Variants in DPP10 observed in about 807,000 individuals in gnomAD.
DPP10 encodes the protein dipeptidyl peptidase like 10.
DPP10 carries 33 observed loss-of-function variants against 120.9 expected under a neutral mutation model. The observed-to-expected ratio is 0.27, with a 90% CI of 0.21 to 0.37. The LOEUF is 0.37. Ranked by LOEUF, DPP10 falls within the 10% of genes least tolerant of loss-of-function variation. The pLI is 1.00. For missense variants in DPP10, 816 were observed against 942.8 expected (o/e 0.87, Z 1.76); for synonymous variants, 337 against 326.1 (o/e 1.03, Z -0.36).
At position 115,115,652 on chromosome 2, in the gene DPP10, C is replaced by T. The variant is rs574233513; in HGVS notation, c.61-193587C>T. Among the ~76,000 whole-genome samples, 24 of 152,262 alleles carry T rather than the reference C, an allele frequency of 1.6e-4. No individual in the cohort carries two copies. The South Asian group carries it at 4.6e-3, about 29-fold the overall frequency. Reference sequence around the variant, plus strand: ...CAACTTCAGTGCACATTACAATACCCTGTTTATAAGTGGCATTTATCTCTG... The same window carrying T: ...CAACTTCAGTGCACATTACAATACCTTGTTTATAAGTGGCATTTATCTCTG... On this transcript the variant is annotated intron_variant, in intron 1 of 25. Transcript: ENST00000410059.
At chr2:114,881,457 G>GTCTA (rs56811813) in intron 1 of DPP10, among the ~76,000 whole-genome samples, 21,092 of 144,150 alleles carry the variant, frequency 0.15, 1,753 homozygotes, top group South Asian at 0.17. Flanking sequence ...CTGTCTGTCT[G>GTCTA]TCTATCTATC....
At chr2:115,839,917 A>G (rs2150132424) in intron 24 of DPP10, among the ~76,000 whole-genome samples, 1 of 152,174 alleles carries the variant, frequency 6.6e-6, no homozygotes, top group African/African-American at 2.4e-5. Context: ...TCTATATTAA[A>G]TAGTTAGTCC....
chr2:115,464,728 T>C (rs1183249767), intron 3 of DPP10, among the ~76,000 whole-genome samples: 2 of 152,102 alleles, frequency 1.3e-5, no homozygotes, highest in Non-Finnish European at 2.9e-5. Context: ...AGGGATGGAT[T>C]CCAGACAGGT....
At chr2:114,539,734 T>C (rs1007564968) in intron 1 of DPP10, among the ~76,000 whole-genome samples, 1 of 152,188 alleles carries the variant, frequency 6.6e-6, no homozygotes, top group Admixed American at 6.5e-5. Context: ...TCAATAAATA[T>C]TTGTTTATAT....
intron 1 of DPP10, among the ~76,000 whole-genome samples, chr2:115,132,783 TAC>T (rs759822821): frequency 3.3e-5 from 5 of 152,086 alleles, no homozygotes; most frequent in Non-Finnish European, 5.9e-5. Flanking sequence ...ACTTACGGTT[TAC>T]AGACTTTAGA....
chr2:115,795,408 C>G (rs888005901), intron 19 of DPP10, among the ~76,000 whole-genome samples: 1 of 152,102 alleles, frequency 6.6e-6, no homozygotes, highest in Non-Finnish European at 1.5e-5. Context: ...TATCTTGCCT[C>G]CATGACTTTC....
At chr2:114,676,934 T>A (rs545584163) in intron 1 of DPP10, among the ~76,000 whole-genome samples, 1 of 152,188 alleles carries the variant, frequency 6.6e-6, no homozygotes, top group East Asian at 1.9e-4. Flanking sequence ...ACTTTAAACA[T>A]CAAACACGTG....
At chr2:114,610,049 C>T (rs1693156123) in intron 1 of DPP10, among the ~76,000 whole-genome samples, 1 of 152,172 alleles carries the variant, frequency 6.6e-6, no homozygotes, top group Non-Finnish European at 1.5e-5. Flanking sequence ...ACGCTTGCCT[C>T]GTGCCAGAGA....
intron 1 of DPP10, among the ~76,000 whole-genome samples, chr2:114,908,373 T>C (rs1183852735): frequency 1.3e-5 from 2 of 151,970 alleles, no homozygotes. Context: ...TCACGTCTCT[T>C]TTTGTTTCTC....
At chr2:114,971,159 G>A (rs1422683852) in intron 1 of DPP10, among the ~76,000 whole-genome samples, 1 of 152,148 alleles carries the variant, frequency 6.6e-6, no homozygotes, top group African/African-American at 2.4e-5. Context: ...TTAGAGCTTA[G>A]GGCGGTCTTG....
intron 1 of DPP10, among the ~76,000 whole-genome samples, chr2:115,201,587 C>A (rs933604189): frequency 3.3e-5 from 5 of 152,172 alleles, no homozygotes; most frequent in African/African-American, 1.2e-4. Flanking sequence ...CTAATTGTGT[C>A]TAGACATAAA....
chr2:114,549,882 A>G (rs1687745870), intron 1 of DPP10, among the ~76,000 whole-genome samples: 1 of 152,012 alleles, frequency 6.6e-6, no homozygotes, highest in African/African-American at 2.4e-5. Flanking sequence ...TTTCATACAC[A>G]GGCAGACAGC....
intron 1 of DPP10, among the ~76,000 whole-genome samples, chr2:115,269,702 T>G (rs1461333500): frequency 6.6e-6 from 1 of 152,160 alleles, no homozygotes; most frequent in African/African-American, 2.4e-5. Flanking sequence ...TTTTATAATC[T>G]AAATTGGAAG....
intron 5 of DPP10, among the ~76,000 whole-genome samples, chr2:115,676,631 T>C (rs965833643): frequency 7.2e-5 from 11 of 152,108 alleles, no homozygotes; most frequent in Non-Finnish European, 1.5e-4. Flanking sequence ...CCTTTTGAGA[T>C]AAATGCATTA....
chr2:114,850,012 C>T (rs1398846771), intron 1 of DPP10, among the ~76,000 whole-genome samples: 3 of 147,808 alleles, frequency 2.0e-5, no homozygotes, highest in East Asian at 2.0e-4. Context: ...CCCTCCCTTC[C>T]CTTCCCTTCC....
chr2:114,562,541 G>A (rs1174033773), intron 1 of DPP10, among the ~76,000 whole-genome samples: 1 of 152,172 alleles, frequency 6.6e-6, no homozygotes, highest in East Asian at 1.9e-4. Flanking sequence ...TACCAGAAAT[G>A]AGGAATAATG....
At chr2:114,596,680 T>C (rs1339422156) in intron 1 of DPP10, among the ~76,000 whole-genome samples, 2 of 152,044 alleles carry the variant, frequency 1.3e-5, no homozygotes, top group African/African-American at 2.4e-5. Flanking sequence ...CTCTTTCCAG[T>C]TATCCTGCAT....
At chr2:114,833,817 G>A (rs897743287) in intron 1 of DPP10, 1 of 152,140 alleles carries the variant, frequency 6.6e-6, no homozygotes, top group African/African-American at 2.4e-5. Flanking sequence ...TATAGTCAGG[G>A]CAACAGAAAG....
chr2:115,797,121 C>T (rs1358401301), intron 19 of DPP10, among the ~76,000 whole-genome samples: 1 of 151,942 alleles, frequency 6.6e-6, no homozygotes, highest in African/African-American at 2.4e-5. Flanking sequence ...TAACATTTTC[C>T]ACATGTACTA....
Sources: allele counts gnomAD v4.1 joint callset (sites outside exome capture counted in the v4.1 genomes callset), GRCh38; gene constraint gnomAD v4.1.1; transcripts MANE v1.5; gene names NCBI Gene and HGNC (gene_info 2026-07-23, HGNC 2026-07-21).